Variants in PKHD1L1 observed in about 807,000 individuals in gnomAD.
PKHD1L1 encodes PKHD1 like 1, also known as fibrocystin-L.
Under a neutral mutation model 462.9 loss-of-function variants are expected in PKHD1L1, and 434 were observed. That is an observed-to-expected ratio of 0.94 (90% CI 0.87 to 1.02). PKHD1L1 has a LOEUF of 1.02. Ranked by LOEUF, PKHD1L1 falls within the 50% of genes least tolerant of loss-of-function variation. The pLI is 0.00. For missense variants in PKHD1L1, 5,202 were observed against 5,096.1 expected, an observed-to-expected ratio of 1.02 and a Z score of -0.63; for synonymous variants, 1,781 against 1,750.0, an observed-to-expected ratio of 1.02 and a Z score of -0.44.
At chr8:109,449,581 G>A (rs1816368470) in intron 40 of PKHD1L1, 94 bp downstream of exon 40, 10 of 1,166,644 alleles carry the variant, frequency 8.6e-6, no homozygotes, top group Non-Finnish European at 1.0e-5. Flanking sequence ...GGATTCCTTG[G>A]AGTAATTAAA....
At chr8:109,495,789 G>A (rs1189374028) in intron 63 of PKHD1L1, among the ~76,000 whole-genome samples, 2 of 152,160 alleles carry the variant, frequency 1.3e-5, no homozygotes, top group African/African-American at 4.8e-5. Context: ...AACCTGAACA[G>A]GAGAGCTGGT....
intron 42 of PKHD1L1, 104 bp from the exon 43 acceptor site, chr8:109,452,614 A>G (rs1816594744): frequency 1.8e-5 from 10 of 567,320 alleles, no homozygotes; most frequent in South Asian, 5.9e-5. Context: ...TATTTACTAT[A>G]TAATATAAAT....
chr8:109,411,450 A>G (rs759223708), intron 19 of PKHD1L1, among the ~76,000 whole-genome samples: 3 of 152,224 alleles, frequency 2.0e-5, no homozygotes, highest in Non-Finnish European at 1.5e-5. Flanking sequence ...TCCATTTAAT[A>G]GATGAACTTT....
intron 67 of PKHD1L1, among the ~76,000 whole-genome samples, chr8:109,501,812 T>C (rs1362541361): frequency 6.6e-6 from 1 of 152,192 alleles, no homozygotes; most frequent in African/African-American, 2.4e-5. Flanking sequence ...TACTCTTCTG[T>C]ATTGAATGCT....
intron 5 of PKHD1L1, among the ~76,000 whole-genome samples, chr8:109,384,798 A>G (rs1812347234): frequency 6.6e-6 from 1 of 152,060 alleles, no homozygotes; most frequent in Non-Finnish European, 1.5e-5. Context: ...TCTTTAATTT[A>G]TGTAATTAAA....
intron 21 of PKHD1L1, 71 bp from the exon 22 acceptor site, chr8:109,419,026 A>C (rs746432094): frequency 1.5e-6 from 2 of 1,312,290 alleles, no homozygotes; most frequent in Non-Finnish European, 2.1e-6. Flanking sequence ...TAAAATTTTA[A>C]TGCTTTCTAA....
chr8:109,447,941 T>C (rs143983455), intron 38 of PKHD1L1, among the ~76,000 whole-genome samples: 11 of 152,262 alleles, frequency 7.2e-5, no homozygotes, highest in African/African-American at 2.4e-4. Flanking sequence ...TTGAGATAAA[T>C]CACTTATAAT....
In PKHD1L1 at chr8:109,459,825, G is replaced by T. The variant is rs1189955499; in HGVS notation, c.7235G>T (p.Gly2412Val). The change falls in exon 47 of 78, where the codon GGA becomes GTA. Residue 2412 changes from glycine (G) to valine (V), a missense_variant. By Grantham distance (109) the Gly-to-Val change is moderately radical. Coordinates refer to ENST00000378402, the MANE Select transcript of PKHD1L1 (RefSeq NM_177531.6). ...AACAAAATTCCTGCATGTCCTGATG[G>T]ATTTGACACAGGTAATTTTAGCAGC... ...WNNKIPACPD[G>V]FDTGEFATQT... 1.2e-6 allele frequency: 2 copies of T among 1,608,766 alleles called. No homozygotes were observed. Among genetic ancestry groups the T allele is most frequent in the Non-Finnish European group, 1.7e-6 (2 of 1,177,100 alleles).
Position 109,464,924 on chromosome 8 carries a change from G to A in PKHD1L1, c.8092G>A (p.Glu2698Lys), listed in dbSNP as rs749031346. ...ILAPYVGGWG[E>K]TNGAVIKNAK... ...GGCTCCTTATGTTGGAGGGTGGGGT[G>A]AAACCAATGGAGCGGTGATTAAAAA... Residue 2698 changes from glutamate (E) to lysine (K), a missense_variant, in exon 49 of 78, where the codon GAA becomes AAA. Coordinates refer to ENST00000378402, the MANE Select transcript of PKHD1L1 (RefSeq NM_177531.6). The A allele has an allele frequency of 6.2e-7, 1 of 1,613,712 alleles. No homozygotes were observed. Among genetic ancestry groups the A allele is most frequent in the East Asian group, 2.2e-5 (1 of 44,876 alleles).
intron 39 of PKHD1L1, among the ~76,000 whole-genome samples, chr8:109,448,672 T>C (rs1816308808): frequency 6.7e-6 from 1 of 148,908 alleles, no homozygotes; most frequent in Non-Finnish European, 1.5e-5. Context: ...CCACCATGCC[T>C]GGCTAATTTT....
intron 67 of PKHD1L1, chr8:109,499,287 T>A (rs943006660): frequency 1.3e-5 from 2 of 153,012 alleles, no homozygotes; most frequent in African/African-American, 4.8e-5. Flanking sequence ...TTATTTTCAT[T>A]TGGCCTATTA....
rs552265043 is a variant in PKHD1L1, at chr8:109,415,864, GGTGTGTGT to G, written c.2360+2354_2360+2361del. 6.7e-3 allele frequency among the ~76,000 whole-genome samples: 671 copies of G among 100,402 alleles called. 6 individuals are homozygous for G. Among genetic ancestry groups the G allele is most frequent in the African/African-American group, 0.021 (611 of 28,748 alleles). The allele number at this position is 100,402 out of a possible 152,430, so 65.9% of individuals were successfully genotyped here. A position where few individuals can be genotyped will look rare whatever the true frequency, so the allele number is the denominator to read the frequency against. On this transcript the variant is annotated intron_variant, in intron 21 of 77. Coordinates refer to ENST00000378402, the MANE Select transcript of PKHD1L1 (RefSeq NM_177531.6). ...CCTTGTCTTAAAAAAAAAAAAAAGG[GGTGTGTGT>G]GTGTGTGTGTGTGTGTGTGTGTGTG...
intron 2 of PKHD1L1, among the ~76,000 whole-genome samples, chr8:109,377,967 C>G (rs1342580908): frequency 6.6e-6 from 1 of 152,054 alleles, no homozygotes; most frequent in Non-Finnish European, 1.5e-5. Context: ...TAATTTTTGT[C>G]TCTGTTTTGC....
Position 109,448,386 on chromosome 8 carries a change from G to A in PKHD1L1, c.6020G>A (p.Ser2007Asn). The A allele has an allele frequency of 6.2e-7, 1 of 1,609,234 alleles. No individual in the cohort carries two copies. The highest frequency in any genetic ancestry group is 1.1e-5 in the South Asian group (1 of 90,310). ...YPLNIQNINPSQGSFGGGQTM... is the reference protein window; with the variant it reads ...YPLNIQNINPNQGSFGGGQTM... ...CTTAATATTCAAAATATTAATCCAA[G>A]CCAAGGTAGTCATAAGTATGCAAGA... The change falls in exon 39 of 78, where the codon AGC (serine) becomes AAC (asparagine). Residue 2007 changes from serine to asparagine, a missense_variant. Ser to Asn is a conservative substitution (Grantham distance 46). Transcript: ENST00000378402.
Position 109,408,041 on chromosome 8 carries a change from A to G in PKHD1L1, c.1814-8A>G. ...TGTCTACAAATTCTGTTTGTCACTT[A>G]ATTTCAGGAGACTTTGATCTGCTTG... On this transcript the variant is annotated splice_region_variant and splice_polypyrimidine_tract_variant and intron_variant, in intron 17 of 77. Transcript: ENST00000378402. 2 of 1,573,170 alleles carry G rather than the reference A, an allele frequency of 1.3e-6. No homozygotes were observed. The highest frequency in any genetic ancestry group is 1.7e-6 in the Non-Finnish European group (2 of 1,157,742).
chr8:109,489,727 TA>T (rs1252306133), intron 59 of PKHD1L1, among the ~76,000 whole-genome samples: 2 of 151,908 alleles, frequency 1.3e-5, no homozygotes. Context: ...TATGCGTTAT[TA>T]AAATTTTGCG....
intron 30 of PKHD1L1, among the ~76,000 whole-genome samples, chr8:109,436,799 T>A (rs1176663361): frequency 1.3e-5 from 2 of 152,298 alleles, no homozygotes; most frequent in South Asian, 4.1e-4. Flanking sequence ...GAAAAGTTGA[T>A]GTCCTATCAG....
intron 75 of PKHD1L1, 64 bp from the exon 76 acceptor site, chr8:109,523,169 T>A (rs1036195278): frequency 7.0e-6 from 10 of 1,423,454 alleles, no homozygotes; most frequent in Non-Finnish European, 9.5e-6. Context: ...AAGTTTTGCA[T>A]ATATTTTTAA....
At chr8:109,470,504 GA>G in intron 50 of PKHD1L1, 1 of 1,610,684 alleles carries the variant, frequency 6.2e-7, no homozygotes, top group Non-Finnish European at 8.5e-7. Context: ...CAACTGGCTG[GA>G]AAAGAAAGGG....
Sources: gnomAD v4.1 joint callset for allele counts (sites outside exome capture counted in the v4.1 genomes callset) on GRCh38, gnomAD v4.1.1 for gene constraint, MANE v1.5 for transcripts, NCBI Gene and HGNC (gene_info 2026-07-23, HGNC 2026-07-21) for gene names.